AQR: variants seen among roughly 807,000 people sequenced by gnomAD.
The protein encoded by AQR is aquarius intron-binding spliceosomal factor.
A neutral mutation model predicts 180.5 loss-of-function variants in AQR; 61 were observed. The ratio of observed to expected loss-of-function variants is 0.34; its 90% CI spans 0.28 to 0.42. The LOEUF (loss-of-function observed/expected upper bound fraction) is 0.42, where lower values mean the gene tolerates loss of function less well. AQR is among the 10% of genes least tolerant of loss of function. The pLI is 1.00. For synonymous variants in AQR, 551 were observed against 588.8 expected (o/e 0.94, Z 0.93); for missense variants, 1,281 against 1,798.3 (o/e 0.71, Z 5.20).
At chr15:34,950,670 T>G (rs1894214676) in intron 4 of AQR, among the ~76,000 whole-genome samples, 1 of 152,168 alleles carries the variant, frequency 6.6e-6, no homozygotes, top group Non-Finnish European at 1.5e-5. Context: ...TTTAATTATC[T>G]GAAGTTCTTG....
chr15:34,918,083 G>A (rs1893624622), intron 15 of AQR, among the ~76,000 whole-genome samples, 175 bp downstream of exon 15: 1 of 152,124 alleles, frequency 6.6e-6, no homozygotes, highest in South Asian at 2.1e-4. Context: ...AACCCTTAGT[G>A]CTAAAGCATT....
Position 34,893,669 on chromosome 15 carries a change from G to C in AQR, c.2565C>G (p.Ser855=). The part of the protein sequence containing the change: ...PEQRTLIVTH[S]NQALNQLFEK... ...CACACACACAGTCATTTACCTGATT[G>C]GAATGAGTAACAATTAGAGTCCTCT... Residue 855 remains serine (S), a synonymous_variant, in exon 23 of 35, where the codon TCC becomes TCG. Coordinates refer to ENST00000156471, the MANE Select transcript of AQR (RefSeq NM_014691.3). 6.3e-7 allele frequency: 1 copy of C among 1,583,566 alleles called. No homozygotes were observed. The highest frequency in any genetic ancestry group is 2.3e-5 in the East Asian group (1 of 43,676).
chr15:34,900,726 A>G lies in AQR; in HGVS notation c.2139T>C (p.Asp713=). Residue 713 remains aspartate (D), a synonymous_variant, in exon 20 of 35, where the codon GAT becomes GAC. Coordinates refer to ENST00000156471, the MANE Select transcript of AQR (RefSeq NM_014691.3). ...CAATGGAGAGAAATGTATCATTGAA[A>G]TCAAGGGTGGCAATCTGATTGGGCA... ...SKMPNQIATL[D]FNDTFLSIEH... 1 of 1,614,182 alleles carries G rather than the reference A, an allele frequency of 6.2e-7. No homozygotes were observed. Among genetic ancestry groups the G allele is most frequent in the South Asian group, 1.1e-5 (1 of 91,086 alleles).
At chr15:34,908,724 A>T (rs926435372) in intron 17 of AQR, among the ~76,000 whole-genome samples, 3 of 152,232 alleles carry the variant, frequency 2.0e-5, no homozygotes, top group African/African-American at 7.2e-5. Context: ...TAATGGGGGA[A>T]GTGGCCTGTT....
chr15:34,863,211 A>T (rs1892696148), intron 32 of AQR, 170 bp from the exon 33 acceptor site: 1 of 578,542 alleles, frequency 1.7e-6, no homozygotes, highest in Admixed American at 3.2e-5. Flanking sequence ...CTAATAAACC[A>T]AGTAAAAGTT....
At chr15:34,892,315 G>T (rs904055655) in intron 23 of AQR, among the ~76,000 whole-genome samples, 1 of 152,242 alleles carries the variant, frequency 6.6e-6, no homozygotes, top group East Asian at 1.9e-4. Flanking sequence ...ATTTAATCCA[G>T]TATCAATGCA....
intron 24 of AQR, among the ~76,000 whole-genome samples, chr15:34,887,149 T>TA (rs1182577442): frequency 6.6e-6 from 1 of 151,914 alleles, no homozygotes; most frequent in Non-Finnish European, 1.5e-5. Flanking sequence ...AAAAGCTACT[T>TA]AGAGTATACT....
intron 3 of AQR, among the ~76,000 whole-genome samples, chr15:34,959,960 G>T (rs1566792304): frequency 1.3e-5 from 2 of 152,176 alleles, no homozygotes. Context: ...GGCCAACATG[G>T]TGAAACCCTG....
chr15:34,940,065 T>C (rs897153635), intron 8 of AQR, among the ~76,000 whole-genome samples: 1 of 152,210 alleles, frequency 6.6e-6, no homozygotes, highest in African/African-American at 2.4e-5. Flanking sequence ...GAAAGCACTA[T>C]GATCTAAAGT....
At chr15:34,924,591 G>A (rs1029258383) in intron 13 of AQR, among the ~76,000 whole-genome samples, 3 of 151,770 alleles carry the variant, frequency 2.0e-5, no homozygotes, top group Non-Finnish European at 2.9e-5. Flanking sequence ...ACCACCACAC[G>A]TGGCTAATTT....
intron 5 of AQR, among the ~76,000 whole-genome samples, chr15:34,946,631 C>T (rs1463863654): frequency 3.5e-5 from 5 of 143,512 alleles, no homozygotes; most frequent in Non-Finnish European, 6.1e-5. Flanking sequence ...AGGTGAGGGG[C>T]GCCTCTGCCT....
intron 2 of AQR, among the ~76,000 whole-genome samples, chr15:34,963,282 G>A (rs778137909): frequency 5.9e-5 from 9 of 152,116 alleles, no homozygotes; most frequent in Non-Finnish European, 8.8e-5. Flanking sequence ...CCTGGCCTTA[G>A]ACCTCTCTTT....
chr15:34,946,581 G>A (rs1430473096), intron 5 of AQR, among the ~76,000 whole-genome samples: 2 of 148,496 alleles, frequency 1.3e-5, no homozygotes, highest in African/African-American at 2.5e-5. Context: ...AGGGAGGTGG[G>A]GGGGGTCAGC....
chr15:34,952,124 G>A (rs1894243687), intron 4 of AQR, among the ~76,000 whole-genome samples: 2 of 152,168 alleles, frequency 1.3e-5, no homozygotes, highest in African/African-American at 2.4e-5. Flanking sequence ...TATTAACACA[G>A]AGGCCCTGAC....
chr15:34,942,135 G>C, intron 6 of AQR, 55 bp from the exon 7 acceptor site: 2 of 1,372,368 alleles, frequency 1.5e-6, no homozygotes, highest in Non-Finnish European at 1.0e-6. Context: ...TTCTACCTAA[G>C]TCTTTACATA....
In AQR at chr15:34,863,196, C is replaced by T. The variant is rs182194126; in HGVS notation, c.3855-155G>A. ...ACTTAATAGAAGTTAATCAATGTTA[C>T]GTGACTAATAAACCAAGTAAAAGTT... On this transcript the variant is annotated intron_variant, in intron 32 of 34. Coordinates refer to ENST00000156471, the MANE Select transcript of AQR (RefSeq NM_014691.3). 3.6e-4 allele frequency: 243 copies of T among 668,388 alleles called. 2 individuals carry two copies. The highest frequency in any genetic ancestry group is 5.5e-4 in the African/African-American group (30 of 54,800). 41.4% of individuals were successfully genotyped at this position (668,388 alleles called of 1,614,324 possible).
At chr15:34,960,937 C>T (rs371775735) in intron 2 of AQR, 123 bp from the exon 3 acceptor site, 6 of 403,598 alleles carry the variant, frequency 1.5e-5, no homozygotes, top group South Asian at 2.9e-5. Flanking sequence ...AATATTACTG[C>T]TATTGAAATA....
intron 23 of AQR, among the ~76,000 whole-genome samples, chr15:34,892,206 T>C (rs1893159107): frequency 6.6e-6 from 1 of 152,204 alleles, no homozygotes; most frequent in Non-Finnish European, 1.5e-5. Flanking sequence ...ATCTAATAAA[T>C]GTTACTTGTT....
chr15:34,950,943 A>ACAGCAAATTCCAAACCT (rs1391388431), intron 4 of AQR, among the ~76,000 whole-genome samples: 1 of 152,192 alleles, frequency 6.6e-6, no homozygotes, highest in African/African-American at 2.4e-5. Context: ...ATCTGACTAC[A>ACAGCAAATTCCAAACCT]CAGCAAATTC....
Sources: gnomAD v4.1 joint callset for allele counts (sites outside exome capture counted in the v4.1 genomes callset) on GRCh38, gnomAD v4.1.1 for gene constraint, MANE v1.5 for transcripts, NCBI Gene and HGNC (gene_info 2026-07-23, HGNC 2026-07-21) for gene names.